Variants in C7 observed in about 807,000 individuals in gnomAD.
C7 encodes complement component C7.
A neutral mutation model predicts 104.8 loss-of-function variants in C7; 83 were observed. That is an observed-to-expected ratio of 0.79 (90% CI 0.66 to 0.95). The LOEUF (loss-of-function observed/expected upper bound fraction) is 0.95, where lower values mean the gene tolerates loss of function less well. C7 is among the 40% of genes least tolerant of loss of function. The pLI is 0.00. For missense variants in C7, 1,070 were observed against 1,011.2 expected, an observed-to-expected ratio of 1.06 and a Z score of -0.79; for synonymous variants, 415 against 360.6, an observed-to-expected ratio of 1.15 and a Z score of -1.71.
intron 16 of C7, among the ~76,000 whole-genome samples, chr5:40,979,138 C>T (rs1029216581): frequency 2.0e-5 from 3 of 152,140 alleles, no homozygotes; most frequent in African/African-American, 7.2e-5. Context: ...CGTTGGCCTC[C>T]CAAAGCACTG....
chr5:40,951,187 G>A (rs898217048), intron 9 of C7, among the ~76,000 whole-genome samples: 9 of 152,074 alleles, frequency 5.9e-5, no homozygotes, highest in East Asian at 1.9e-4. Flanking sequence ...AGAAGTGTCC[G>A]TTCATGTCTT....
intron 12 of C7, among the ~76,000 whole-genome samples, chr5:40,960,605 G>A (rs963440994): frequency 2.0e-5 from 3 of 152,064 alleles, no homozygotes; most frequent in African/African-American, 7.2e-5. Flanking sequence ...TAGGAGGAGA[G>A]GTACATCCTA....
chr5:40,974,876 T>G lies in C7; in HGVS notation c.2075-1874T>G, dbSNP rs867111780. Reference sequence around the variant, plus strand: ...TAAGGCTTCTCAACCTCAACGCTATTGGAATTTTAGGTCTAATAATTCTTT... The same window carrying G: ...TAAGGCTTCTCAACCTCAACGCTATGGGAATTTTAGGTCTAATAATTCTTT... On this transcript the variant is annotated intron_variant, in intron 15 of 17. Transcript: ENST00000313164. 7.2e-5 allele frequency among the ~76,000 whole-genome samples: 11 copies of G among 152,176 alleles called. No individual in the cohort carries two copies. The South Asian group carries it at 1.2e-3, about 17-fold the overall frequency.
chr5:40,969,300 C>T (rs1004837112), intron 14 of C7, among the ~76,000 whole-genome samples: 5 of 152,010 alleles, frequency 3.3e-5, no homozygotes, highest in Non-Finnish European at 7.4e-5. Flanking sequence ...TGTTGTAATT[C>T]TCCATCTTGT....
At chr5:40,962,266 C>A in intron 13 of C7, 94 bp downstream of exon 13, 2 of 678,890 alleles carry the variant, frequency 2.9e-6, no homozygotes, top group South Asian at 3.2e-5. Flanking sequence ...ATGGTGAAGC[C>A]GTGCCAAAAA....
intron 15 of C7, among the ~76,000 whole-genome samples, chr5:40,976,323 T>G (rs1049160990): frequency 6.6e-6 from 1 of 152,208 alleles, no homozygotes; most frequent in African/African-American, 2.4e-5. Flanking sequence ...ACCAGCTTCT[T>G]GAAAGGGAGC....
intron 9 of C7, among the ~76,000 whole-genome samples, chr5:40,950,958 G>A (rs1322952088): frequency 6.6e-6 from 1 of 152,134 alleles, no homozygotes; most frequent in African/African-American, 2.4e-5. Flanking sequence ...TCATTCTGAT[G>A]GCTATTGGGT....
Position 40,936,433 on chromosome 5 carries a change from C to G in C7, c.376C>G (p.Pro126Ala), listed in dbSNP as rs368083143. Residue 126 changes from proline (P) to alanine (A), a missense_variant, in exon 5 of 18, where the codon CCT becomes GCT. By Grantham distance (27) the Pro-to-Ala change is conservative. Coordinates refer to ENST00000313164, the MANE Select transcript of C7 (RefSeq NM_000587.4). ...CAGATGTGAGGACTCAGAAAGGAGA[C>G]CTTCCTGTGATATCGATAAACCTCC... is the stretch of plus-strand genomic sequence containing the variant. Reference protein sequence around the residue: ...EDRCEDSERRPSCDIDKPPPN... With the variant: ...EDRCEDSERRASCDIDKPPPN... 6.2e-7 allele frequency: 1 copy of G among 1,613,054 alleles called. No homozygotes were observed. The highest frequency in any genetic ancestry group is 1.7e-5 in the Admixed American group (1 of 59,868).
intron 1 of C7, among the ~76,000 whole-genome samples, chr5:40,914,002 T>A (rs1462932999): frequency 2.0e-5 from 3 of 152,134 alleles, no homozygotes; most frequent in African/African-American, 4.8e-5. Flanking sequence ...TTTTAAGAAT[T>A]ATTTTTTGTA....
chr5:40,972,666 G>T, intron 15 of C7, 72 bp downstream of exon 15: 1 of 1,261,160 alleles, frequency 7.9e-7, no homozygotes, highest in South Asian at 1.4e-5. Context: ...CGACCTTCAT[G>T]GTACTGTATC....
chr5:40,923,739 C>T (rs1222579188), intron 1 of C7, among the ~76,000 whole-genome samples: 1 of 131,254 alleles, frequency 7.6e-6, no homozygotes, highest in Non-Finnish European at 1.7e-5. Context: ...GAGCAAGACT[C>T]TGTCTTAAAA....
intron 7 of C7, among the ~76,000 whole-genome samples, chr5:40,946,363 T>A (rs1740050476): frequency 6.6e-6 from 1 of 152,200 alleles, no homozygotes. Flanking sequence ...TTTCATCACA[T>A]CTTAAAGTTA....
At chr5:40,950,675 G>T (rs780070272) in intron 9 of C7, among the ~76,000 whole-genome samples, 6 of 152,128 alleles carry the variant, frequency 3.9e-5, no homozygotes, top group Non-Finnish European at 8.8e-5. Context: ...AGTTCACCAG[G>T]TTATCTCCTC....
rs749270168 is a variant in C7, at chr5:40,959,634, G to A, written c.1661+14G>A. The A allele has an allele frequency of 8.3e-6, 13 of 1,562,944 alleles. No homozygotes were observed. Among genetic ancestry groups the A allele is most frequent in the African/African-American group, 4.1e-5 (3 of 73,318 alleles). ...GGAGCACTTGAGGTAATGGAGACCC[G>A]ACCCCCTGGCAGTTGCATAGAACAC... On this transcript the variant is annotated intron_variant, in intron 12 of 17. Transcript: ENST00000313164.
chr5:40,927,087 G>A (rs779156541), intron 1 of C7, among the ~76,000 whole-genome samples: 11 of 151,580 alleles, frequency 7.3e-5, no homozygotes, highest in Non-Finnish European at 1.3e-4. Context: ...GCCCAGAAAT[G>A]CACCCCACAT....
At chr5:40,979,946 T>C (rs777851436) in intron 17 of C7, 37 bp downstream of exon 17, 2 of 1,518,772 alleles carry the variant, frequency 1.3e-6, no homozygotes, top group Non-Finnish European at 1.8e-6. Flanking sequence ...ATAAGAATGC[T>C]AAAGTCACAG....
intron 14 of C7, chr5:40,972,072 A>G (rs1247760806): frequency 2.1e-6 from 1 of 483,684 alleles, no homozygotes; most frequent in Admixed American, 2.4e-5. Context: ...ACTAGAGCAC[A>G]TAAATAAGTG....
At chr5:40,960,289 T>G (rs1740396735) in intron 12 of C7, among the ~76,000 whole-genome samples, 1 of 152,208 alleles carries the variant, frequency 6.6e-6, no homozygotes. Context: ...CTGACTGGAC[T>G]TGGCAAAATA....
In C7 at chr5:40,958,138, C is replaced by T. The variant is rs1451096482; in HGVS notation, c.1366C>T (p.His456Tyr). The change falls in exon 11 of 18, where the codon CAT becomes TAT. Residue 456 changes from histidine (H) to tyrosine (Y), a missense_variant. By Grantham distance (83) the His-to-Tyr change is moderately conservative. Coordinates refer to ENST00000313164, the MANE Select transcript of C7 (RefSeq NM_000587.4). ...EEYLDEFDPC[H>Y]CRPCQNGGLA... ...GTATCTGGATGAATTTGACCCCTGT[C>T]ATTGCCGGCCTTGTCAAAATGGTGG... 6.2e-7 allele frequency: 1 copy of T among 1,613,828 alleles called. No homozygotes were observed. The highest frequency in any genetic ancestry group is 8.5e-7 in the Non-Finnish European group (1 of 1,179,772).
Sources: gnomAD v4.1 joint callset for allele counts (sites outside exome capture counted in the v4.1 genomes callset) on GRCh38, gnomAD v4.1.1 for gene constraint, MANE v1.5 for transcripts, NCBI Gene and HGNC (gene_info 2026-07-23, HGNC 2026-07-21) for gene names.